The following COL1A1 variants were observed in gnomAD, a reference collection of about 807,000 sequenced individuals.
COL1A1 encodes the protein collagen type I alpha 1 chain, also known as collagen alpha-1(I) chain.
In COL1A1, 21 loss-of-function variants were observed where a neutral mutation model predicts 195.7. The ratio of observed to expected loss-of-function variants is 0.11; its 90% CI spans 0.08 to 0.15. The LOEUF is 0.15. Among genes scored for constraint, COL1A1 ranks in the 10% least tolerant of loss-of-function variants. The pLI is 1.00. For synonymous variants in COL1A1, 749 were observed against 747.3 expected, an observed-to-expected ratio of 1.00 and a Z score of -0.04; for missense variants, 1,365 against 2,051.0, an observed-to-expected ratio of 0.67 and a Z score of 6.46.
rs1336409933 is a variant in COL1A1 at position 50,197,644 on chromosome 17, G to A, written c.696+88C>T. ...ACTTGCCCTCCTTCCTCTGAGTATC[G>A]TTCCCAAATGTGGTGGAGTGGAAAT... is the stretch of plus-strand genomic sequence containing the variant. On this transcript the variant is annotated intron_variant, in intron 9 of 50. Coordinates refer to ENST00000225964, the MANE Select transcript of COL1A1 (RefSeq NM_000088.4). 6 of 1,094,976 alleles carry A rather than the reference G, an allele frequency of 5.5e-6. No individual in the cohort carries two copies. The Admixed American group carries it at 6.9e-5, about 13-fold the overall frequency. 67.8% of individuals were successfully genotyped at this position (1,094,976 alleles called of 1,614,324 possible).
rs1174085510 is a variant in COL1A1, at chr17:50,188,620, G to A, written c.3117C>T (p.Thr1039=). Reference sequence around the variant, plus strand: ...GAGCACCAGGGGGTCCAGCGGGGCCGGTCTCACCACGGTCACCCTGGCGGG... The same window carrying A: ...GAGCACCAGGGGGTCCAGCGGGGCCAGTCTCACCACGGTCACCCTGGCGGG... The part of the protein sequence containing the change: ...SPGAKGDRGE[T]GPAGPPGAPG... Residue 1039 remains threonine (T), a synonymous_variant, in exon 43 of 51, where the codon ACC becomes ACT. Transcript: ENST00000225964. The surrounding 1 kb of genome is among the most constrained non-coding windows in gnomAD (Gnocchi z 5.6). The A allele has an allele frequency of 6.8e-6, 11 of 1,612,370 alleles. No individual in the cohort carries two copies. Among genetic ancestry groups the A allele is most frequent in the East Asian group, 2.2e-5 (1 of 44,784 alleles).
At position 50,188,782 on chromosome 17, in the gene COL1A1, G is replaced by A; in HGVS notation, c.3059C>T (p.Ala1020Val). The A allele has an allele frequency of 6.2e-7, 1 of 1,614,048 alleles. No homozygotes were observed. Among genetic ancestry groups the A allele is most frequent in the Non-Finnish European group, 8.5e-7 (1 of 1,179,986 alleles). The change falls in exon 42 of 51, where the codon GCC becomes GTC. Residue 1020 changes from alanine to valine, a missense_variant. Ala to Val is a moderately conservative substitution (Grantham distance 64). Coordinates refer to ENST00000225964, the MANE Select transcript of COL1A1 (RefSeq NM_000088.4). This position sits in a 1 kb window ranked among gnomAD's most constrained non-coding sequence, Gnocchi z 5.6. ...ACCGTCTCGTCCAGGGGAACCTTCG[G>A]CACCAGGAGCCCCCTGCAGAGAGAG... ...GESGREGAPG[A>V]EGSPGRDGSP...
In COL1A1 at chr17:50,194,301, G is replaced by C; in HGVS notation, c.1614+48C>G. Reference sequence around the variant, plus strand: ...GAACGCCTCATCCCAGACCCTACACGGGATGGTCAGGGCCTGGCCAAGCCA... The same window carrying C: ...GAACGCCTCATCCCAGACCCTACACCGGATGGTCAGGGCCTGGCCAAGCCA... On this transcript the variant is annotated intron_variant, in intron 23 of 50. Coordinates refer to ENST00000225964, the MANE Select transcript of COL1A1 (RefSeq NM_000088.4). This position sits in a 1 kb window ranked among gnomAD's most constrained non-coding sequence, Gnocchi z 6.8. The C allele has an allele frequency of 6.2e-7, 1 of 1,605,522 alleles. No individual in the cohort carries two copies. The highest frequency in any genetic ancestry group is 8.5e-7 in the Non-Finnish European group (1 of 1,172,520).
Position 50,201,290 on chromosome 17 carries a change from C to T in COL1A1, c.103+121G>A, listed in dbSNP as rs527856984. 7.5e-6 allele frequency: 7 copies of T among 934,356 alleles called. No individual in the cohort carries two copies. The Admixed American group carries it at 1.0e-4, about 13-fold the overall frequency. The allele number at this position is 934,356 out of a possible 1,614,324, so 57.9% of individuals were successfully genotyped here. A position where few individuals can be genotyped will look rare whatever the true frequency, so the allele number is the denominator to read the frequency against. On this transcript the variant is annotated intron_variant, in intron 1 of 50. Coordinates refer to ENST00000225964, the MANE Select transcript of COL1A1 (RefSeq NM_000088.4). ...CAGGGCGCCGAGGAAGAGCCCTCATCATCTCCCTTCCATTCCCGAGTCTCC... is the reference window on the plus strand; with the variant it reads ...CAGGGCGCCGAGGAAGAGCCCTCATTATCTCCCTTCCATTCCCGAGTCTCC...
Position 50,185,016 on chromosome 17 carries a change from C to A in COL1A1, c.*486G>T, listed in dbSNP as rs1015377719. ...GGCAGGAGCGGGCTGAGGGTGGGGG[C>A]CACTTGGGTGTTTGAGCATTGCCTT... On this transcript the variant is annotated 3_prime_UTR_variant, in exon 51 of 51. Transcript: ENST00000225964. 5 of 235,810 alleles carry A rather than the reference C, an allele frequency of 2.1e-5. No individual in the cohort carries two copies. The highest frequency in any genetic ancestry group is 1.1e-4 in the African/African-American group (5 of 45,150). The allele number at this position is 235,810 out of a possible 1,614,324, so 14.6% of individuals were successfully genotyped here.
At chr17:50,198,411 C>T (rs750748727) in intron 6 of COL1A1, 22 bp downstream of exon 6, 1 of 1,611,256 alleles carries the variant, frequency 6.2e-7, no homozygotes, top group Non-Finnish European at 8.5e-7. Context: ...TTCTGTCATC[C>T]ATGCTCCCCC....
At chr17:50,198,707 C>T in intron 5 of COL1A1, 1 of 598,204 alleles carries the variant, frequency 1.7e-6, no homozygotes, top group Non-Finnish European at 3.0e-6. Context: ...GTCTGCAAAA[C>T]AACTGGACTC....
At chr17:50,187,206 G>T in intron 46 of COL1A1, 84 bp from the exon 47 acceptor site, 1 of 1,147,500 alleles carries the variant, frequency 8.7e-7, no homozygotes. Flanking sequence ...CACCCTCCCT[G>T]CTGGCTCTGG....
At chr17:50,197,368 C>T (rs1166106876) in intron 9 of COL1A1, 135 bp from the exon 10 acceptor site, 1 of 870,760 alleles carries the variant, frequency 1.1e-6, no homozygotes, top group African/African-American at 1.7e-5. Context: ...ATCTTTGAAT[C>T]TAGAGCTCAG....
At position 50,201,620 on chromosome 17, in the gene COL1A1, A is replaced by G. The variant is rs1908106551; in HGVS notation, c.-107T>C. 2.1e-6 allele frequency: 2 copies of G among 957,540 alleles called. No individual in the cohort carries two copies. The highest frequency in any genetic ancestry group is 3.3e-5 in the South Asian group (2 of 60,670). 59.3% of individuals were successfully genotyped at this position (957,540 alleles called of 1,614,324 possible). A position where few individuals can be genotyped will look rare whatever the true frequency, so the allele number is the denominator to read the frequency against. ...CCTCCTGCTCCGACCCCGAGGAGAAACTCCCGTCTGCTCCGACGACTGGCC... is the reference window on the plus strand; with the variant it reads ...CCTCCTGCTCCGACCCCGAGGAGAAGCTCCCGTCTGCTCCGACGACTGGCC... On this transcript the variant is annotated 5_prime_UTR_variant, in exon 1 of 51. Coordinates refer to ENST00000225964, the MANE Select transcript of COL1A1 (RefSeq NM_000088.4).
At chr17:50,192,614 G>C in intron 28 of COL1A1, 26 bp downstream of exon 28, 1 of 1,614,176 alleles carries the variant, frequency 6.2e-7, no homozygotes, top group Non-Finnish European at 8.5e-7. Context: ...CTACCTCCCA[G>C]CATCCTGACA....
chr17:50,199,268 G>A lies in COL1A1; in HGVS notation c.429C>T (p.Pro143=). 2.0e-6 allele frequency: 3 copies of A among 1,505,464 alleles called. No individual in the cohort carries two copies. Among genetic ancestry groups the A allele is most frequent in the South Asian group, 1.3e-5 (1 of 78,386 alleles). The allele number at this position is 1,505,464 out of a possible 1,614,324, so 93.3% of individuals were successfully genotyped here. ...GIPGQPGLPG[P]PGPPGPPGPP... is the part of the protein sequence containing the mutation. ...GTCCGGGAGGTCCGGGGGGTCCGGGGGGTCCGGGAAGTCCAGGCTGTCCAG... is the reference window on the plus strand; with the variant it reads ...GTCCGGGAGGTCCGGGGGGTCCGGGAGGTCCGGGAAGTCCAGGCTGTCCAG... Residue 143 remains proline (P), a synonymous_variant, in exon 5 of 51, where the codon CCC becomes CCT. Transcript: ENST00000225964.
chr17:50,193,123 G>T, intron 25 of COL1A1, 76 bp from the exon 26 acceptor site: 1 of 1,431,722 alleles, frequency 7.0e-7, no homozygotes, highest in East Asian at 2.3e-5. Context: ...CATTTACTCT[G>T]AGTGGGACTT....
At position 50,189,630 on chromosome 17, in the gene COL1A1, C is replaced by T. The variant is rs1906887599; in HGVS notation, c.2667+49G>A. ...GCCCCACCATCCTTCTGGCAGCCCCCACCCAGCACCCCCAACCTAGAGCAG... is the reference window on the plus strand; with the variant it reads ...GCCCCACCATCCTTCTGGCAGCCCCTACCCAGCACCCCCAACCTAGAGCAG... On this transcript the variant is annotated intron_variant, in intron 38 of 50. Transcript: ENST00000225964. The surrounding 1 kb of genome is among the most constrained non-coding windows in gnomAD (Gnocchi z 5.5). The T allele has an allele frequency of 6.2e-7, 1 of 1,612,794 alleles. No homozygotes were observed. The highest frequency in any genetic ancestry group is 1.3e-5 in the African/African-American group (1 of 74,786).
In COL1A1 at chr17:50,194,315, C is replaced by G; in HGVS notation, c.1614+34G>C. ...AGACCCTACACGGGATGGTCAGGGC[C>G]TGGCCAAGCCAGGCTGAAAGCCTGG... On this transcript the variant is annotated intron_variant, in intron 23 of 50. Transcript: ENST00000225964. The surrounding 1 kb of genome is among the most constrained non-coding windows in gnomAD (Gnocchi z 6.8). 1 of 1,613,230 alleles carries G rather than the reference C, an allele frequency of 6.2e-7. No individual in the cohort carries two copies. Among genetic ancestry groups the G allele is most frequent in the Non-Finnish European group, 8.5e-7 (1 of 1,179,382 alleles).
chr17:50,198,163 G>C lies in COL1A1; in HGVS notation c.586C>G (p.Pro196Ala). Reference protein sequence around the residue: ...PRGLPGPPGAPGPQGFQGPPG... With the variant: ...PRGLPGPPGAAGPQGFQGPPG... ...ATGAAGACGTCCTGGATACTCACAG[G>C]TGCACCAGGGGGGCCAGGGAGACCA... is the stretch of plus-strand genomic sequence containing the variant. Residue 196 changes from proline (P) to alanine (A), a missense_variant and splice_region_variant, in exon 7 of 51, where the codon CCT (proline) becomes GCT (alanine). Around this residue, in one of 5 missense-constraint regions of COL1A1, gnomAD observed 226 missense variants for 372.9 expected, o/e 0.61. Coordinates refer to ENST00000225964, the MANE Select transcript of COL1A1 (RefSeq NM_000088.4). 1 of 1,614,050 alleles carries C rather than the reference G, an allele frequency of 6.2e-7. No homozygotes were observed. Among genetic ancestry groups the C allele is most frequent in the Non-Finnish European group, 8.5e-7 (1 of 1,179,970 alleles).
intron 29 of COL1A1, 111 bp downstream of exon 29, chr17:50,192,364 C>T (rs2586491): frequency 2.0e-5 from 25 of 1,253,986 alleles, no homozygotes; most frequent in Admixed American, 1.2e-4. Context: ...TTCTTTCCGG[C>T]GTCTAACCTC....
chr17:50,190,511 G>C lies in COL1A1; in HGVS notation c.2397+32C>G. ...CTGTGTGAAGGGAGGGAAGGGCCAA[G>C]TATGGGGTCTTAACAGGTCTTCTGT... On this transcript the variant is annotated intron_variant, in intron 34 of 50. Transcript: ENST00000225964. The surrounding 1 kb of genome is among the most constrained non-coding windows in gnomAD (Gnocchi z 4.7). 6.2e-7 allele frequency: 1 copy of C among 1,613,030 alleles called. No individual in the cohort carries two copies. The highest frequency in any genetic ancestry group is 8.5e-7 in the Non-Finnish European group (1 of 1,179,274).
intron 29 of COL1A1, 146 bp from the exon 30 acceptor site, chr17:50,192,170 C>A: frequency 1.1e-6 from 1 of 885,726 alleles, no homozygotes; most frequent in Non-Finnish European, 1.8e-6. Flanking sequence ...CCCAAACAGC[C>A]CCTCTCTTCC....
Sources: allele counts gnomAD v4.1 joint callset, GRCh38; gene constraint gnomAD v4.1.1; regional missense constraint gnomAD v4.1.1; non-coding constraint Gnocchi (gnomAD v3.1); transcripts MANE v1.5; gene names NCBI Gene and HGNC (gene_info 2026-07-23, HGNC 2026-07-21).